The following FXR1 variants were observed in gnomAD, a reference collection of about 807,000 sequenced individuals.
FXR1 encodes RNA-binding protein FXR1.
A neutral mutation model predicts 84.0 loss-of-function variants in FXR1; 15 were observed. The ratio of observed to expected loss-of-function variants is 0.18; its 90% CI spans 0.12 to 0.27. FXR1 has a LOEUF of 0.27. Among genes scored for constraint, FXR1 ranks in the 10% least tolerant of loss-of-function variants. The pLI is 1.00. For missense variants in FXR1, 480 were observed against 774.4 expected (o/e 0.62, Z 4.51); for synonymous variants, 245 against 250.7 (o/e 0.98, Z 0.21).
chr3:180,926,504 A>ATTTTTTT (rs1289994089), intron 1 of FXR1, among the ~76,000 whole-genome samples: 57 of 95,270 alleles, frequency 6.0e-4, no homozygotes, highest in African/African-American at 2.0e-3. Context: ...ATATATATAT[A>ATTTTTTT]TATTTTTTTT....
chr3:180,940,431 C>T (rs1224693469), intron 3 of FXR1, among the ~76,000 whole-genome samples: 1 of 150,014 alleles, frequency 6.7e-6, no homozygotes, highest in Non-Finnish European at 1.5e-5. Flanking sequence ...AGAAATATCC[C>T]TCCTCCCTCA....
chr3:180,944,301 A>C (rs1473681395), intron 3 of FXR1, among the ~76,000 whole-genome samples: 1 of 151,480 alleles, frequency 6.6e-6, no homozygotes, highest in Non-Finnish European at 1.5e-5. Flanking sequence ...GAAAGAATGA[A>C]AGGGTAGTAA....
chr3:180,913,201 G>A lies in FXR1; in HGVS notation c.51+465G>A, dbSNP rs115054089. 7.3e-3 allele frequency among the ~76,000 whole-genome samples: 1,115 copies of A among 152,354 alleles called. 16 individuals carry two copies. Among genetic ancestry groups the A allele is most frequent in the African/African-American group, 0.025 (1,038 of 41,586 alleles). On this transcript the variant is annotated intron_variant, in intron 1 of 16. Transcript: ENST00000357559. Reference sequence around the variant, plus strand: ...CCCCTCCCCACCCCTTGGGGCGGGTGTATCGCGGAATCTTTGGAATTCACC... The same window carrying A: ...CCCCTCCCCACCCCTTGGGGCGGGTATATCGCGGAATCTTTGGAATTCACC...
At chr3:180,955,398 A>G (rs1722652042) in intron 9 of FXR1, among the ~76,000 whole-genome samples, 1 of 152,168 alleles carries the variant, frequency 6.6e-6, no homozygotes, top group South Asian at 2.1e-4. Context: ...ACCGTTGTTC[A>G]CTGTAGACTG....
rs866127282 is a variant in FXR1 at position 180,977,332 on chromosome 3, T to C, written c.*1040T>C. The stretch of plus-strand genomic sequence containing the variant: ...TTTGTAATGAATCATCTGAAATCTT[T>C]ACACAAGTTTAGGCTGTTAGATGCA... On this transcript the variant is annotated 3_prime_UTR_variant, in exon 17 of 17. Transcript: ENST00000357559. 4.8e-4 allele frequency: 73 copies of C among 152,462 alleles called. No homozygotes were observed. Among genetic ancestry groups the C allele is most frequent in the African/African-American group, 1.7e-3 (70 of 41,566 alleles). The allele number at this position is 152,462 out of a possible 1,614,324, so 9.4% of individuals were successfully genotyped here. A position where few individuals can be genotyped will look rare whatever the true frequency, so the allele number is the denominator to read the frequency against.
chr3:180,949,959 A>C (rs1441351234), intron 7 of FXR1, among the ~76,000 whole-genome samples: 1 of 152,156 alleles, frequency 6.6e-6, no homozygotes, highest in Non-Finnish European at 1.5e-5. Context: ...CTGCCTTGTC[A>C]TCTGTCAGTC....
chr3:180,937,270 A>G (rs1051889202), intron 3 of FXR1, among the ~76,000 whole-genome samples: 1 of 152,108 alleles, frequency 6.6e-6, no homozygotes, highest in Non-Finnish European at 1.5e-5. Context: ...TTTTGAGAGT[A>G]ATGCTTCTTA....
intron 1 of FXR1, among the ~76,000 whole-genome samples, chr3:180,920,070 T>A (rs1401135305): frequency 2.0e-5 from 3 of 152,196 alleles, no homozygotes; most frequent in African/African-American, 7.2e-5. Flanking sequence ...GAGGTCTCCA[T>A]TAGTAAAATA....
chr3:180,948,052 T>C (rs1721876101), intron 4 of FXR1, 116 bp downstream of exon 4: 2 of 666,766 alleles, frequency 3.0e-6, no homozygotes, highest in African/African-American at 3.7e-5. Flanking sequence ...ACCTGAGAAA[T>C]AGTTGATCAG....
intron 1 of FXR1, among the ~76,000 whole-genome samples, chr3:180,923,871 C>T (rs1194481275): frequency 6.6e-6 from 1 of 152,042 alleles, no homozygotes; most frequent in Non-Finnish European, 1.5e-5. Flanking sequence ...GGATTACAGA[C>T]CCTCAGGCAT....
rs755694324 is a variant in FXR1 at position 180,968,033 on chromosome 3, GTTC to G, written c.1199-15_1199-13del. 1.9e-5 allele frequency: 29 copies of G among 1,531,708 alleles called. No homozygotes were observed. The South Asian group carries it at 2.5e-4, about 13-fold the overall frequency. 94.9% of individuals were successfully genotyped at this position (1,531,708 alleles called of 1,614,324 possible). Reference sequence around the variant, plus strand: ...TTTTATAGAAATCTAAGTGGTTTATGTTCTTTTCTTTTCCAAGGTACAAATTCT... The same window carrying G: ...TTTTATAGAAATCTAAGTGGTTTATGTTTTCTTTTCCAAGGTACAAATTCT... On this transcript the variant is annotated splice_polypyrimidine_tract_variant and intron_variant, in intron 13 of 16. Coordinates refer to ENST00000357559, the MANE Select transcript of FXR1 (RefSeq NM_005087.4).
chr3:180,942,127 C>G (rs1431069981), intron 3 of FXR1, among the ~76,000 whole-genome samples: 2 of 151,786 alleles, frequency 1.3e-5, no homozygotes, highest in African/African-American at 2.4e-5. Context: ...ACCTGTAATC[C>G]CAGCACTTTG....
intron 1 of FXR1, among the ~76,000 whole-genome samples, chr3:180,924,426 ATTGT>A (rs1718934430): frequency 6.6e-6 from 1 of 152,244 alleles, no homozygotes; most frequent in African/African-American, 2.4e-5. Flanking sequence ...GTTAAAAAAG[ATTGT>A]TTGCTGTGTT....
At chr3:180,915,386 A>G in intron 1 of FXR1, 1 of 672,608 alleles carries the variant, frequency 1.5e-6, no homozygotes, top group Non-Finnish European at 2.4e-6. Context: ...CTGTCCCCAT[A>G]GTTTTTCTTA....
At chr3:180,924,604 A>G (rs1336050243) in intron 1 of FXR1, among the ~76,000 whole-genome samples, 1 of 152,198 alleles carries the variant, frequency 6.6e-6, no homozygotes, top group Admixed American at 6.5e-5. Context: ...TAGAATCAAC[A>G]GAATAGATTG....
At chr3:180,916,460 C>A (rs1460711827) in intron 1 of FXR1, among the ~76,000 whole-genome samples, 2 of 152,064 alleles carry the variant, frequency 1.3e-5, no homozygotes, top group African/African-American at 4.8e-5. Context: ...GTGGTGGGAG[C>A]GCAGTGGTGC....
At chr3:180,954,271 A>G (rs1722520666) in intron 9 of FXR1, among the ~76,000 whole-genome samples, 2 of 152,214 alleles carry the variant, frequency 1.3e-5, no homozygotes, top group African/African-American at 4.8e-5. Flanking sequence ...TGAACTAACA[A>G]TAGGGTAATA....
At chr3:180,941,992 A>C (rs766225681) in intron 3 of FXR1, among the ~76,000 whole-genome samples, 2 of 152,166 alleles carry the variant, frequency 1.3e-5, no homozygotes, top group African/African-American at 2.4e-5. Context: ...ATAATAGGAA[A>C]ATTTCTTTGG....
Position 180,968,041 on chromosome 3 carries a change from C to A in FXR1, c.1199-10C>A. 20 of 1,579,822 alleles carry A rather than the reference C, an allele frequency of 1.3e-5. No homozygotes were observed. Among genetic ancestry groups the A allele is most frequent in the Non-Finnish European group, 1.7e-5 (19 of 1,150,120 alleles). ...AAATCTAAGTGGTTTATGTTCTTTT[C>A]TTTTCCAAGGTACAAATTCTGAGCT... On this transcript the variant is annotated splice_polypyrimidine_tract_variant and intron_variant, in intron 13 of 16. Transcript: ENST00000357559.
Sources: allele counts gnomAD v4.1 joint callset (sites outside exome capture counted in the v4.1 genomes callset), GRCh38; gene constraint gnomAD v4.1.1; transcripts MANE v1.5; gene names NCBI Gene and HGNC (gene_info 2026-07-23, HGNC 2026-07-21).